EIF4E: variants seen among roughly 807,000 people sequenced by gnomAD.
EIF4E encodes eIF-4F 25 kDa subunit.
For missense variants in EIF4E, 113 were observed against 265.6 expected, an observed-to-expected ratio of 0.43 and a Z score of 3.99; for synonymous variants, 71 against 88.5, an observed-to-expected ratio of 0.80 and a Z score of 1.11.
intron 2 of EIF4E, among the ~76,000 whole-genome samples, chr4:98,897,241 C>T (rs1724446520): frequency 6.7e-6 from 1 of 148,954 alleles, no homozygotes; most frequent in African/African-American, 2.6e-5. Flanking sequence ...TTATTACTAC[C>T]AACTCTCACA....
At chr4:98,886,751 T>C (rs1440138409) in intron 5 of EIF4E, 3 of 362,034 alleles carry the variant, frequency 8.3e-6, no homozygotes, top group Non-Finnish European at 1.6e-5. Flanking sequence ...AGTATACATA[T>C]AGCAATGCTG....
chr4:98,897,520 C>T (rs997912287), intron 2 of EIF4E, among the ~76,000 whole-genome samples: 3 of 152,008 alleles, frequency 2.0e-5, no homozygotes, highest in Non-Finnish European at 4.4e-5. Context: ...GAGCCAAGAT[C>T]GCACCATTGC....
intron 6 of EIF4E, among the ~76,000 whole-genome samples, chr4:98,882,029 A>G (rs942271428): frequency 2.0e-5 from 3 of 152,232 alleles, no homozygotes; most frequent in Admixed American, 2.0e-4. Context: ...TTGTAAGTAA[A>G]GTGAACATGA....
At position 98,880,891 on chromosome 4, in the gene EIF4E, T is replaced by C; in HGVS notation, c.*137A>G. 1.3e-5 allele frequency: 19 copies of C among 1,456,478 alleles called. No individual in the cohort carries two copies. The highest frequency in any genetic ancestry group is 1.7e-5 in the Non-Finnish European group (19 of 1,091,554). The allele number at this position is 1,456,478 out of a possible 1,614,324, so 90.2% of individuals were successfully genotyped here. A position where few individuals can be genotyped will look rare whatever the true frequency, so the allele number is the denominator to read the frequency against. ...ACAAGACAAAGGCGAATGAGACTTC[T>C]CTTATATCTGAGTAACATTAAGATG... On this transcript the variant is annotated 3_prime_UTR_variant, in exon 7 of 7. Transcript: ENST00000450253.
chr4:98,901,414 G>A (rs1724643271), intron 2 of EIF4E, among the ~76,000 whole-genome samples: 1 of 152,034 alleles, frequency 6.6e-6, no homozygotes, highest in Non-Finnish European at 1.5e-5. Context: ...GGCCAGGTTG[G>A]TCTCAAACTC....
At chr4:98,893,813 G>C (rs1560638289) in intron 2 of EIF4E, among the ~76,000 whole-genome samples, 1 of 152,198 alleles carries the variant, frequency 6.6e-6, no homozygotes, top group Non-Finnish European at 1.5e-5. Flanking sequence ...ATGACATCCA[G>C]AATGCTCAAT....
intron 1 of EIF4E, among the ~76,000 whole-genome samples, chr4:98,915,149 T>A (rs1409795777): frequency 1.3e-5 from 2 of 152,090 alleles, no homozygotes; most frequent in Non-Finnish European, 2.9e-5. Flanking sequence ...CAGGGTTTCA[T>A]CATGTTGCCT....
At chr4:98,912,572 C>CA (rs964992060) in intron 1 of EIF4E, among the ~76,000 whole-genome samples, 27 of 143,420 alleles carry the variant, frequency 1.9e-4, no homozygotes, top group East Asian at 1.2e-3. Context: ...GACTCCATCT[C>CA]AAAAAAAAAA....
chr4:98,898,085 G>C (rs1403463652), intron 2 of EIF4E, among the ~76,000 whole-genome samples: 2 of 151,956 alleles, frequency 1.3e-5, no homozygotes, highest in African/African-American at 4.8e-5. Flanking sequence ...AAGAAACCTA[G>C]TATCTCTTTG....
In EIF4E at chr4:98,880,982, G is replaced by A. The variant is rs768419229; in HGVS notation, c.*46C>T. 3.9e-6 allele frequency: 6 copies of A among 1,553,604 alleles called. No individual in the cohort carries two copies. The highest frequency in any genetic ancestry group is 2.8e-5 in the African/African-American group (2 of 72,562). On this transcript the variant is annotated 3_prime_UTR_variant, in exon 7 of 7. Coordinates refer to ENST00000450253, the MANE Select transcript of EIF4E (RefSeq NM_001968.5). ...GGCTTTGGTTCAGCTCCCAAATCTCGATTGCTTGACGCAGTCTCCTATGAG... is the reference window on the plus strand; with the variant it reads ...GGCTTTGGTTCAGCTCCCAAATCTCAATTGCTTGACGCAGTCTCCTATGAG...
chr4:98,901,839 G>T, intron 2 of EIF4E, 37 bp downstream of exon 2: 1 of 1,569,550 alleles, frequency 6.4e-7, no homozygotes, highest in Non-Finnish European at 8.8e-7. Flanking sequence ...TTTACCTTGT[G>T]GCCTAACTCA....
chr4:98,899,599 T>G (rs980076582), intron 2 of EIF4E, among the ~76,000 whole-genome samples: 1 of 152,204 alleles, frequency 6.6e-6, no homozygotes, highest in Non-Finnish European at 1.5e-5. Context: ...TATGTAAGGA[T>G]GTAAATTACA....
At position 98,884,874 on chromosome 4, in the gene EIF4E, TTA is replaced by T. The variant is rs3833620; in HGVS notation, c.539+46_539+47del. 1.1e-5 allele frequency: 17 copies of T among 1,605,924 alleles called. No individual in the cohort carries two copies. The East Asian group carries it at 3.8e-4, about 36-fold the overall frequency. On this transcript the variant is annotated intron_variant, in intron 6 of 6. Coordinates refer to ENST00000450253, the MANE Select transcript of EIF4E (RefSeq NM_001968.5). ...GCTACAAATAAAATAACTTCTGGTT[TTA>T]CTCATCTTAATACTGTAAAATAAGT...
In EIF4E at chr4:98,902,066, T is replaced by C. The variant is rs553998926; in HGVS notation, c.19-84A>G. Reference sequence around the variant, plus strand: ...TATTCTAACTAAACCTGAACTGATATGCTGATAATTTTTTTTTTTTGAGAC... The same window carrying C: ...TATTCTAACTAAACCTGAACTGATACGCTGATAATTTTTTTTTTTTGAGAC... On this transcript the variant is annotated intron_variant, in intron 1 of 6. Coordinates refer to ENST00000450253, the MANE Select transcript of EIF4E (RefSeq NM_001968.5). 222 of 1,335,020 alleles carry C rather than the reference T, an allele frequency of 1.7e-4. 4 individuals are homozygous for C. In the South Asian group the frequency reaches 2.6e-3, roughly 16 times the overall value. The allele number at this position is 1,335,020 out of a possible 1,614,324, so 82.7% of individuals were successfully genotyped here.
chr4:98,905,755 T>A (rs1724846125), intron 1 of EIF4E, among the ~76,000 whole-genome samples: 1 of 152,096 alleles, frequency 6.6e-6, no homozygotes, highest in Non-Finnish European at 1.5e-5. Flanking sequence ...AACCCAGGGC[T>A]GAATAAACTG....
chr4:98,895,906 G>A (rs1724359635), intron 2 of EIF4E, among the ~76,000 whole-genome samples: 1 of 152,012 alleles, frequency 6.6e-6, no homozygotes, highest in African/African-American at 2.4e-5. Context: ...TAAAAAATTA[G>A]CCAGGCATGG....
intron 1 of EIF4E, among the ~76,000 whole-genome samples, chr4:98,903,054 C>T (rs1724717220): frequency 6.6e-6 from 1 of 152,124 alleles, no homozygotes. Flanking sequence ...TTAACACTGT[C>T]ATCTAAAAAT....
At chr4:98,906,683 C>T (rs1724887684) in intron 1 of EIF4E, among the ~76,000 whole-genome samples, 1 of 152,018 alleles carries the variant, frequency 6.6e-6, no homozygotes, top group Non-Finnish European at 1.5e-5. Flanking sequence ...TGCATTCCAG[C>T]CTGGGTGACA....
chr4:98,926,286 T>C (rs1725861341), intron 1 of EIF4E: 1 of 152,358 alleles, frequency 6.6e-6, no homozygotes, highest in African/African-American at 2.4e-5. Context: ...CTCATGCCTG[T>C]AATCCCACCA....
Sources: gnomAD v4.1 joint callset for allele counts (sites outside exome capture counted in the v4.1 genomes callset) on GRCh38, gnomAD v4.1.1 for gene constraint, MANE v1.5 for transcripts, NCBI Gene and HGNC (gene_info 2026-07-23, HGNC 2026-07-21) for gene names.